OR51B5: variants seen among roughly 807,000 people sequenced by gnomAD.
OR51B5 encodes olfactory receptor 51B5.
For missense variants in OR51B5, 456 were observed against 374.6 expected (o/e 1.22, Z -1.79); for synonymous variants, 186 against 144.8 (o/e 1.28, Z -2.04).
chr11:5,350,085 G>C (rs1564915201), intron 1 of OR51B5, among the ~76,000 whole-genome samples: 1 of 152,130 alleles, frequency 6.6e-6, no homozygotes, highest in Non-Finnish European at 1.5e-5. Context: ...TAGAGAAAGA[G>C]AAAGGAGGTA....
chr11:5,479,157 G>A (rs1851368251), intron 1 of OR51B5, among the ~76,000 whole-genome samples: 1 of 148,336 alleles, frequency 6.7e-6, no homozygotes, highest in Admixed American at 6.7e-5. Flanking sequence ...ACTAACAGCG[G>A]ATCTCTCGGC....
At chr11:5,357,195 G>C (rs1849207168) in intron 1 of OR51B5, among the ~76,000 whole-genome samples, 1 of 152,112 alleles carries the variant, frequency 6.6e-6, no homozygotes, top group African/African-American at 2.4e-5. Flanking sequence ...TAGATAAAGA[G>C]TCAAGACCCA....
chr11:5,478,121 T>C (rs1197384665), intron 1 of OR51B5, among the ~76,000 whole-genome samples: 1 of 151,568 alleles, frequency 6.6e-6, no homozygotes, highest in Non-Finnish European at 1.5e-5. Flanking sequence ...GTCTGACAGC[T>C]TTGAAGAGAG....
At chr11:5,465,641 A>G (rs1851128472) in intron 1 of OR51B5, among the ~76,000 whole-genome samples, 1 of 142,308 alleles carries the variant, frequency 7.0e-6, no homozygotes, top group African/African-American at 2.6e-5. Flanking sequence ...CAGAGCCCTC[A>G]GAAATAACGA....
At chr11:5,405,598 C>CT (rs2133745673) in intron 1 of OR51B5, among the ~76,000 whole-genome samples, 2 of 152,090 alleles carry the variant, frequency 1.3e-5, no homozygotes, top group East Asian at 3.9e-4. Flanking sequence ...TTAGAAAAAA[C>CT]TTTTAAATTG....
intron 1 of OR51B5, among the ~76,000 whole-genome samples, chr11:5,363,350 TTGGTTTTTG>T (rs1338462120): frequency 3.2e-5 from 1 of 31,638 alleles, no homozygotes; most frequent in Non-Finnish European, 8.3e-5. Flanking sequence ...ACAGTTTTTT[TTGGTTTTTG>T]TTTTTTTTTA....
intron 1 of OR51B5, among the ~76,000 whole-genome samples, chr11:5,426,531 T>C (rs888471821): frequency 6.6e-6 from 1 of 152,122 alleles, no homozygotes; most frequent in Non-Finnish European, 1.5e-5. Context: ...AGGTGAAATC[T>C]GTTAGACTAA....
intron 1 of OR51B5, among the ~76,000 whole-genome samples, chr11:5,486,581 A>C (rs977013698): frequency 6.6e-6 from 1 of 152,186 alleles, no homozygotes; most frequent in Non-Finnish European, 1.5e-5. Flanking sequence ...TTTAGCTTCT[A>C]AGTTTGCCTA....
intron 1 of OR51B5, chr11:5,392,441 C>T (rs1268459236): frequency 1.3e-5 from 2 of 152,194 alleles, no homozygotes; most frequent in African/African-American, 4.8e-5. Context: ...TAGATTAGCA[C>T]TGAAGTCCCA....
intron 1 of OR51B5, among the ~76,000 whole-genome samples, chr11:5,496,035 C>T (rs1851645898): frequency 1.3e-5 from 2 of 152,048 alleles, no homozygotes; most frequent in South Asian, 2.1e-4. Context: ...CCAGGTACAC[C>T]GGTGTGATAA....
chr11:5,402,918 C>G (rs1205249950), intron 1 of OR51B5: 1 of 471,198 alleles, frequency 2.1e-6, no homozygotes, highest in Non-Finnish European at 4.4e-6. Flanking sequence ...TGTTCTCCAT[C>G]CATTCTTTAT....
intron 1 of OR51B5, among the ~76,000 whole-genome samples, chr11:5,349,045 A>C (rs926786397): frequency 6.6e-5 from 10 of 152,264 alleles, no homozygotes; most frequent in African/African-American, 2.4e-4. Context: ...TATGCGGCAG[A>C]GTTTGAGACT....
rs1279636725 is a variant in OR51B5 at position 5,351,534 on chromosome 11, C to G, written n.85-4624G>C. On this transcript the variant is annotated intron_variant and non_coding_transcript_variant, in intron 1 of 4. Coordinates refer to the OR51B5 transcript ENST00000415970. ...TGGGGCTCAATAAGTCTGCTTCCAC[C>G]TTCCAGCTTACTGGCTTCCCAGGCA... The G allele has an allele frequency of 1.9e-6, 3 of 1,613,064 alleles. No individual in the cohort carries two copies. In the African/African-American group the frequency reaches 4.0e-5, roughly 22 times the overall value.
intron 1 of OR51B5, chr11:5,468,766 G>C (rs1375790180): frequency 2.2e-6 from 1 of 456,408 alleles, no homozygotes; most frequent in Admixed American, 2.4e-5. Flanking sequence ...GCACATAGGA[G>C]AGGAGGATGA....
chr11:5,440,604 C>A (rs77336780), intron 1 of OR51B5: 3 of 1,613,460 alleles, frequency 1.9e-6, no homozygotes, highest in East Asian at 4.5e-5. Context: ...CTTGAGAATC[C>A]CTTTGCGGAT....
At chr11:5,466,998 G>A (rs183776503) in intron 1 of OR51B5, among the ~76,000 whole-genome samples, 11 of 151,116 alleles carry the variant, frequency 7.3e-5, no homozygotes, top group South Asian at 4.1e-4. Context: ...TTTGCTTAAT[G>A]TACTTTCCTT....
At chr11:5,376,712 G>A (rs1048955703) in intron 1 of OR51B5, among the ~76,000 whole-genome samples, 13 of 151,974 alleles carry the variant, frequency 8.6e-5, no homozygotes, top group African/African-American at 1.5e-4. Flanking sequence ...AAATCTAGAA[G>A]AAATGGATAA....
At chr11:5,389,157 G>T (rs1464184628) in intron 1 of OR51B5, among the ~76,000 whole-genome samples, 1 of 152,122 alleles carries the variant, frequency 6.6e-6, no homozygotes, top group Non-Finnish European at 1.5e-5. Flanking sequence ...GAGCAATAAA[G>T]GCACACCAGC....
rs1218355135 is a variant in OR51B5 at position 5,378,921 on chromosome 11, AGAACTAGAAATACCATTTGACCC to A, written n.85-32034_85-32012del. Among the ~76,000 whole-genome samples, 166 of 151,486 alleles carry A rather than the reference AGAACTAGAAATACCATTTGACCC, an allele frequency of 1.1e-3. 2 individuals carry two copies. Among genetic ancestry groups the A allele is most frequent in the African/African-American group, 3.9e-3 (159 of 41,188 alleles). On this transcript the variant is annotated intron_variant and non_coding_transcript_variant, in intron 1 of 4. Coordinates refer to the OR51B5 transcript ENST00000415970. ...CAGTGTGGCGATTCCTCAGGGATCT[AGAACTAGAAATACCATTTGACCC>A]AGCCATCCCATTACTGGGTATATAC...
Sources: allele counts gnomAD v4.1 joint callset (sites outside exome capture counted in the v4.1 genomes callset), GRCh38; gene constraint gnomAD v4.1.1; transcripts MANE v1.5; gene names NCBI Gene and HGNC (gene_info 2026-07-23, HGNC 2026-07-21).